CD160: variants seen among roughly 807,000 people sequenced by gnomAD.
CD160 encodes the protein CD160 antigen.
Under a neutral mutation model 19.2 loss-of-function variants are expected in CD160, and 11 were observed. The ratio of observed to expected loss-of-function variants is 0.57; its 90% confidence interval spans 0.36 to 0.95. The LOEUF is 0.95. Ranked by LOEUF, CD160 falls within the 40% of genes least tolerant of loss-of-function variation. The probability of loss-of-function intolerance (pLI) is 0.01; values close to 1 mark genes in which losing one functional copy is unlikely to be tolerated. For missense variants in CD160, 182 were observed against 213.2 expected (o/e 0.85, Z 0.91); for synonymous variants, 75 against 81.1 (o/e 0.93, Z 0.40).
intron 1 of CD160, among the ~76,000 whole-genome samples, chr1:145,722,115 T>C (rs1264142642): frequency 3.3e-5 from 5 of 152,202 alleles, no homozygotes; most frequent in East Asian, 3.8e-4. Context: ...CTTAGTGTTT[T>C]ATAAGGACTA....
chr1:145,728,154 T>A lies in CD160; in HGVS notation c.-72-102T>A, dbSNP rs1657125740. On this transcript the variant is annotated intron_variant, in intron 2 of 5. Transcript: ENST00000369288. ...GGACTCTCATGCCCAAGCCCTCCTCTACCTCCATCATACTCTAGCCAATCA... is the reference window on the plus strand; with the variant it reads ...GGACTCTCATGCCCAAGCCCTCCTCAACCTCCATCATACTCTAGCCAATCA... 5.1e-6 allele frequency: 3 copies of A among 584,464 alleles called. No homozygotes were observed. In the South Asian group the frequency reaches 6.0e-5, roughly 12 times the overall value. The allele number at this position is 584,464 out of a possible 1,614,324, so 36.2% of individuals were successfully genotyped here. A position where few individuals can be genotyped will look rare whatever the true frequency, so the allele number is the denominator to read the frequency against.
intron 3 of CD160, among the ~76,000 whole-genome samples, 171 bp from the exon 4 acceptor site, chr1:145,730,573 T>A (rs1225003363): frequency 6.6e-6 from 1 of 152,218 alleles, no homozygotes; most frequent in Non-Finnish European, 1.5e-5. Flanking sequence ...GTAACTTGCT[T>A]ACAGTCACAC....
intron 1 of CD160, among the ~76,000 whole-genome samples, chr1:145,721,135 G>C (rs1449622789): frequency 6.6e-6 from 1 of 152,154 alleles, no homozygotes; most frequent in Non-Finnish European, 1.5e-5. Context: ...CCTCTGTTGA[G>C]GGCCAGGTGC....
Position 145,731,003 on chromosome 1 carries a change from G to C in CD160, c.333G>C (p.Gln111His). 1 of 1,614,192 alleles carries C rather than the reference G, an allele frequency of 6.2e-7. No homozygotes were observed. The highest frequency in any genetic ancestry group is 1.3e-5 in the African/African-American group (1 of 75,046). Residue 111 changes from glutamine to histidine, a missense_variant, in exon 4 of 6, where the codon CAG becomes CAC. Coordinates refer to ENST00000369288, the MANE Select transcript of CD160 (RefSeq NM_007053.4). ...QVTPLHSGTY[Q>H]CCARSQKSGI... Reference sequence around the variant, plus strand: ...CACCGTTGCACAGTGGGACCTACCAGTGTTGTGCCAGAAGCCAGAAGTCAG... The same window carrying C: ...CACCGTTGCACAGTGGGACCTACCACTGTTGTGCCAGAAGCCAGAAGTCAG...
rs587624835 is a variant in CD160, at chr1:145,733,163, T to A, written c.400+2093T>A. Reference sequence around the variant, plus strand: ...TTCTTTGATTTTTTGAGACAGACTCTCACTCTGTGGTCCGGGCTGGAGAGC... The same window carrying A: ...TTCTTTGATTTTTTGAGACAGACTCACACTCTGTGGTCCGGGCTGGAGAGC... On this transcript the variant is annotated intron_variant, in intron 4 of 5. Coordinates refer to ENST00000369288, the MANE Select transcript of CD160 (RefSeq NM_007053.4). Among the ~76,000 whole-genome samples, 3 of 152,222 alleles carry A rather than the reference T, an allele frequency of 2.0e-5. No individual in the cohort carries two copies. In the South Asian group the frequency reaches 6.2e-4, roughly 32 times the overall value.
intron 3 of CD160, 101 bp downstream of exon 3, chr1:145,728,501 C>CTTTT (rs59357123): frequency 4.4e-5 from 13 of 293,908 alleles, no homozygotes; most frequent in African/African-American, 7.5e-5. Context: ...ACAAAGGACT[C>CTTTT]TTTTTTTTTT....
chr1:145,729,367 A>C, intron 3 of CD160, among the ~76,000 whole-genome samples: 1 of 152,270 alleles, frequency 6.6e-6, no homozygotes, highest in East Asian at 1.9e-4. Flanking sequence ...TCAAGCTGCC[A>C]AGGGAGTGGG....
chr1:145,725,970 T>C (rs1273243450), intron 2 of CD160, among the ~76,000 whole-genome samples: 3 of 152,114 alleles, frequency 2.0e-5, no homozygotes, highest in Admixed American at 6.5e-5. Context: ...ATGAAATTAA[T>C]ATCTAGTAAA....
intron 2 of CD160, among the ~76,000 whole-genome samples, chr1:145,727,713 A>G (rs1274529558): frequency 1.3e-5 from 2 of 152,258 alleles, no homozygotes; most frequent in African/African-American, 4.8e-5. Flanking sequence ...AAGTTAAGAA[A>G]TGTGAAGAAT....
At chr1:145,719,783 C>T (rs1324677976) in intron 1 of CD160, among the ~76,000 whole-genome samples, 2 of 152,216 alleles carry the variant, frequency 1.3e-5, no homozygotes, top group Non-Finnish European at 2.9e-5. Flanking sequence ...CCCATTCTGA[C>T]ATTCCTCAAA....
chr1:145,738,772 T>C lies in CD160; in HGVS notation c.*279T>C. 3.3e-6 allele frequency: 1 copy of C among 304,094 alleles called. No homozygotes were observed. 18.8% of individuals were successfully genotyped at this position (304,094 alleles called of 1,614,324 possible). ...CAAAGTGGGTAGTATAGTCCTCAAA[T>C]ATCGGATAAATATATGCGTTTTTGT... On this transcript the variant is annotated 3_prime_UTR_variant, in exon 6 of 6. Coordinates refer to ENST00000369288, the MANE Select transcript of CD160 (RefSeq NM_007053.4).
intron 3 of CD160, among the ~76,000 whole-genome samples, chr1:145,729,741 G>A (rs1183894952): frequency 6.6e-6 from 1 of 152,174 alleles, no homozygotes; most frequent in African/African-American, 2.4e-5. Context: ...TCAGAGTCAT[G>A]GTCTTTGGAT....
At position 145,726,559 on chromosome 1, in the gene CD160, C is replaced by G. The variant is rs587705306; in HGVS notation, c.-73+1653C>G. On this transcript the variant is annotated intron_variant, in intron 2 of 5. Transcript: ENST00000369288. ...GAACACATGAACCCAGGGTGGGGAA[C>G]ATCACACACCGATGACGTTCCACGG... Among the ~76,000 whole-genome samples the G allele has an allele frequency of 9.4e-4, 143 of 152,190 alleles. 2 individuals are homozygous for G. Among genetic ancestry groups the G allele is most frequent in the African/African-American group, 3.3e-3 (136 of 41,512 alleles).
chr1:145,727,323 G>A (rs2101380012), intron 2 of CD160, among the ~76,000 whole-genome samples: 1 of 128,366 alleles, frequency 7.8e-6, no homozygotes, highest in African/African-American at 3.0e-5. Flanking sequence ...TTGTCACATA[G>A]ATTAATTGAA....
At chr1:145,720,015 A>G (rs1553707602) in intron 1 of CD160, among the ~76,000 whole-genome samples, 1 of 152,198 alleles carries the variant, frequency 6.6e-6, no homozygotes, top group African/African-American at 2.4e-5. Context: ...GGGGGGAAAA[A>G]TACATCTTTA....
chr1:145,728,759 C>G (rs955512846), intron 3 of CD160, among the ~76,000 whole-genome samples: 1 of 151,996 alleles, frequency 6.6e-6, no homozygotes, highest in Non-Finnish European at 1.5e-5. Context: ...CTCAGGCGCC[C>G]GGCTGACTCA....
rs1001360550 is a variant in CD160, at chr1:145,728,146, C to A, written c.-72-110C>A. 6 of 567,354 alleles carry A rather than the reference C, an allele frequency of 1.1e-5. No individual in the cohort carries two copies. In the African/African-American group the frequency reaches 1.1e-4, roughly 11 times the overall value. The allele number at this position is 567,354 out of a possible 1,614,324, so 35.1% of individuals were successfully genotyped here. The stretch of plus-strand genomic sequence containing the variant: ...AGCCAGCTGGACTCTCATGCCCAAG[C>A]CCTCCTCTACCTCCATCATACTCTA... On this transcript the variant is annotated intron_variant, in intron 2 of 5. Coordinates refer to ENST00000369288, the MANE Select transcript of CD160 (RefSeq NM_007053.4).
At chr1:145,738,411 G>A (rs1657581987) in intron 5 of CD160, 75 bp from the exon 6 acceptor site, 1 of 1,029,690 alleles carries the variant, frequency 9.7e-7, no homozygotes, top group Non-Finnish European at 1.3e-6. Flanking sequence ...CTCAGGACAG[G>A]TGAGACTTCA....
At chr1:145,728,221 A>C in intron 2 of CD160, 35 bp from the exon 3 acceptor site, 3 of 757,424 alleles carry the variant, frequency 4.0e-6, no homozygotes, top group Non-Finnish European at 6.9e-6. Context: ...GGAACCCTGG[A>C]AGGCTTTGTC....
Sources: allele counts gnomAD v4.1 joint callset (sites outside exome capture counted in the v4.1 genomes callset), GRCh38; gene constraint gnomAD v4.1.1; transcripts MANE v1.5; gene names NCBI Gene and HGNC (gene_info 2026-07-23, HGNC 2026-07-21).